IL1RAPL2: variants seen among roughly 807,000 people sequenced by gnomAD.
IL1RAPL2 encodes the protein X-linked interleukin-1 receptor accessory protein-like 2.
A neutral mutation model predicts 44.1 loss-of-function variants in IL1RAPL2; 3 were observed. The observed-to-expected ratio is 0.07, with a 90% CI of 0.03 to 0.18. IL1RAPL2 has a LOEUF of 0.18. Ranked by LOEUF, IL1RAPL2 falls within the 10% of genes least tolerant of loss-of-function variation. The probability of loss-of-function intolerance (pLI) is 1.00; values close to 1 mark genes in which losing one functional copy is unlikely to be tolerated. For missense variants in IL1RAPL2, 391 were observed against 496.4 expected, an observed-to-expected ratio of 0.79 and a Z score of 2.02; for synonymous variants, 181 against 178.8, an observed-to-expected ratio of 1.01 and a Z score of -0.10.
At chrX:105,154,340 C>T (rs770358337) in intron 2 of IL1RAPL2, among the ~76,000 whole-genome samples, 131 of 111,346 alleles carry the variant, frequency 1.2e-3, no homozygotes, top group African/African-American at 3.9e-3. Flanking sequence ...TTTTGGTTTA[C>T]AGTATCTACA....
intron 6 of IL1RAPL2, among the ~76,000 whole-genome samples, chrX:105,686,841 A>T (rs1485501071): frequency 8.9e-6 from 1 of 112,042 alleles, no homozygotes; most frequent in Non-Finnish European, 1.9e-5. Context: ...CTCCTCAGCA[A>T]ATGTAAAAGA....
chrX:105,201,417 C>CAAA (rs202023800), intron 3 of IL1RAPL2, among the ~76,000 whole-genome samples: 29 of 110,359 alleles, frequency 2.6e-4, no homozygotes, highest in African/African-American at 9.5e-4. Context: ...TAGTCCATAA[C>CAAA]AAAAAAAAGA....
chrX:105,076,906 C>G (rs2032314638), intron 2 of IL1RAPL2, among the ~76,000 whole-genome samples: 1 of 111,014 alleles, frequency 9.0e-6, no homozygotes, highest in Non-Finnish European at 1.9e-5. Flanking sequence ...GTAGATCTTC[C>G]TCCATCCCTT....
intron 2 of IL1RAPL2, among the ~76,000 whole-genome samples, chrX:104,734,739 T>C (rs758546330): frequency 1.8e-5 from 2 of 111,738 alleles, no homozygotes; most frequent in South Asian, 7.4e-4. Flanking sequence ...TATACATATA[T>C]TAAAATTCAT....
chrX:105,335,460 C>T (rs1176059648), intron 5 of IL1RAPL2, among the ~76,000 whole-genome samples: 2 of 110,924 alleles, frequency 1.8e-5, no homozygotes, highest in Non-Finnish European at 3.8e-5. Context: ...TGACTTTTTT[C>T]TTCTCCTAGC....
rs1925660266 is a variant in IL1RAPL2, at chrX:104,954,400, C to T, written c.83-241075C>T. 3.6e-5 allele frequency among the ~76,000 whole-genome samples: 4 copies of T among 112,456 alleles called. No individual in the cohort carries two copies. The Admixed American group carries it at 3.8e-4, about 11-fold the overall frequency. ...TTGAAGGTCTGTTGGGTGCTATGTGCTAGAAATATAGTGACACACAAGACA... is the reference window on the plus strand; with the variant it reads ...TTGAAGGTCTGTTGGGTGCTATGTGTTAGAAATATAGTGACACACAAGACA... On this transcript the variant is annotated intron_variant, in intron 2 of 10. Coordinates refer to ENST00000372582, the MANE Select transcript of IL1RAPL2 (RefSeq NM_017416.2).
intron 2 of IL1RAPL2, among the ~76,000 whole-genome samples, chrX:104,892,967 T>C (rs1923509315): frequency 8.9e-6 from 1 of 112,214 alleles, no homozygotes; most frequent in Non-Finnish European, 1.9e-5. Flanking sequence ...GCTTTAAATG[T>C]GTCCCAGAGA....
chrX:105,119,103 A>G (rs914792294), intron 2 of IL1RAPL2, among the ~76,000 whole-genome samples: 4 of 111,530 alleles, frequency 3.6e-5, no homozygotes, highest in African/African-American at 1.3e-4. Flanking sequence ...CTCCATCATA[A>G]CAGGGCTCTG....
At chrX:104,898,557 A>G (rs1302430919) in intron 2 of IL1RAPL2, among the ~76,000 whole-genome samples, 1 of 112,876 alleles carries the variant, frequency 8.9e-6, no homozygotes, top group East Asian at 2.8e-4. Context: ...TGTCCTGCCT[A>G]ACATCAGCCT....
At chrX:104,655,122 G>T (rs941863830) in intron 1 of IL1RAPL2, among the ~76,000 whole-genome samples, 5 of 111,587 alleles carry the variant, frequency 4.5e-5, no homozygotes, top group Admixed American at 1.9e-4. Context: ...TCTGCAAACA[G>T]GGACAATTTG....
chrX:105,476,102 C>T (rs2036196116), intron 5 of IL1RAPL2, among the ~76,000 whole-genome samples: 1 of 112,683 alleles, frequency 8.9e-6, no homozygotes, highest in Non-Finnish European at 1.9e-5. Flanking sequence ...CCAGCACTTT[C>T]CCAGCAGTTT....
chrX:105,611,031 G>T, intron 6 of IL1RAPL2, among the ~76,000 whole-genome samples: 1 of 111,498 alleles, frequency 9.0e-6, no homozygotes, highest in Non-Finnish European at 1.9e-5. Flanking sequence ...CAGTAATATT[G>T]ATTATCCTGA....
intron 2 of IL1RAPL2, among the ~76,000 whole-genome samples, chrX:104,830,004 A>G (rs1362570969): frequency 8.9e-6 from 1 of 111,856 alleles, no homozygotes; most frequent in Non-Finnish European, 1.9e-5. Context: ...CTGGGATTCA[A>G]ACTCTGGTCT....
chrX:104,825,927 T>TA (rs947475190), intron 2 of IL1RAPL2, among the ~76,000 whole-genome samples: 2 of 111,657 alleles, frequency 1.8e-5, no homozygotes, highest in Non-Finnish European at 3.8e-5. Context: ...TTGACATGTT[T>TA]ATGCATGCTT....
chrX:105,652,656 CT>C (rs1262783949), intron 6 of IL1RAPL2, among the ~76,000 whole-genome samples: 1 of 110,834 alleles, frequency 9.0e-6, no homozygotes, highest in African/African-American at 3.3e-5. Context: ...TCCAAGAGAC[CT>C]TTTTTAACCA....
chrX:105,439,827 A>G (rs2035908120), intron 5 of IL1RAPL2, among the ~76,000 whole-genome samples: 1 of 112,051 alleles, frequency 8.9e-6, no homozygotes, highest in African/African-American at 3.2e-5. Flanking sequence ...GGTAATGAAA[A>G]ACATCTGATG....
chrX:104,892,742 A>G (rs1377270775), intron 2 of IL1RAPL2, among the ~76,000 whole-genome samples: 2 of 111,442 alleles, frequency 1.8e-5, no homozygotes, highest in East Asian at 5.6e-4. Flanking sequence ...TCAAAAAACC[A>G]GCTCCTGGAT....
intron 5 of IL1RAPL2, among the ~76,000 whole-genome samples, chrX:105,427,701 ACTT>A (rs1053610259): frequency 5.4e-5 from 6 of 112,101 alleles, no homozygotes; most frequent in African/African-American, 1.9e-4. Flanking sequence ...TAGGAAGGAA[ACTT>A]CTTCATCTCT....
At chrX:105,361,462 T>C (rs1054542993) in intron 5 of IL1RAPL2, among the ~76,000 whole-genome samples, 1 of 111,491 alleles carries the variant, frequency 9.0e-6, no homozygotes, top group African/African-American at 3.3e-5. Flanking sequence ...TGCAAAGCTA[T>C]GTATATAATC....
Sources: gnomAD v4.1 joint callset for allele counts (sites outside exome capture counted in the v4.1 genomes callset) on GRCh38, gnomAD v4.1.1 for gene constraint, MANE v1.5 for transcripts, NCBI Gene and HGNC (gene_info 2026-07-23, HGNC 2026-07-21) for gene names.